The following BLTP3B variants were observed in gnomAD, a reference collection of about 807,000 sequenced individuals.
The protein encoded by BLTP3B is bridge-like lipid transfer protein family member 3B.
chr12:100,059,888 C>T, the BLTP3B span: 7 of 1,612,198 alleles, frequency 4.3e-6, no homozygotes, highest in Admixed American at 3.4e-5. Context: ...TCAACATGCT[C>T]GTCAGATTTT....
chr12:100,055,533 T>C, the BLTP3B span, among the ~76,000 whole-genome samples: 1 of 151,562 alleles, frequency 6.6e-6, no homozygotes, highest in Non-Finnish European at 1.5e-5. Context: ...AAAAATTAGC[T>C]AGGCGTGGTG....
chr12:100,124,057 G>A, the BLTP3B span, among the ~76,000 whole-genome samples: 1 of 151,970 alleles, frequency 6.6e-6, no homozygotes, highest in Non-Finnish European at 1.5e-5. Context: ...TTGAAGCTAG[G>A]AGTTCAAGAT....
At chr12:100,048,273 AAAT>A in the BLTP3B span, 13 of 1,433,744 alleles carry the variant, frequency 9.1e-6, no homozygotes, top group Non-Finnish European at 7.4e-6. Flanking sequence ...TAGTACATTA[AAAT>A]AATACTAGTT....
At chr12:100,058,889 A>T in the BLTP3B span, 1 of 1,613,880 alleles carries the variant, frequency 6.2e-7, no homozygotes, top group Non-Finnish European at 8.5e-7. Flanking sequence ...AGGAAGGGGA[A>T]AATCTGAAAA....
chr12:100,136,397 G>A, the BLTP3B span, among the ~76,000 whole-genome samples: 1 of 151,910 alleles, frequency 6.6e-6, no homozygotes, highest in Non-Finnish European at 1.5e-5. Flanking sequence ...TTAGAAATAG[G>A]TTACAGTTAG....
At chr12:100,084,602 A>G in the BLTP3B span, 1 of 1,614,116 alleles carries the variant, frequency 6.2e-7, no homozygotes, top group Non-Finnish European at 8.5e-7. Flanking sequence ...TCATTGGCCC[A>G]TCCATTTTTT....
chr12:100,093,457 G>C, the BLTP3B span, among the ~76,000 whole-genome samples: 1 of 152,096 alleles, frequency 6.6e-6, no homozygotes, highest in Non-Finnish European at 1.5e-5. Flanking sequence ...ACAATTATTT[G>C]ATCTTCCTTC....
the BLTP3B span, among the ~76,000 whole-genome samples, chr12:100,093,623 T>G: frequency 6.6e-6 from 1 of 152,152 alleles, no homozygotes; most frequent in Non-Finnish European, 1.5e-5. Flanking sequence ...TAATAATGTC[T>G]TTCATTTATA....
chr12:100,109,890 A>T, the BLTP3B span, among the ~76,000 whole-genome samples: 2 of 152,180 alleles, frequency 1.3e-5, no homozygotes, highest in Non-Finnish European at 2.9e-5. Context: ...ATGATAACCT[A>T]TTAGGGTCTA....
At chr12:100,142,772 C>T in the BLTP3B span, 6 of 1,338,068 alleles carry the variant, frequency 4.5e-6, no homozygotes, top group Non-Finnish European at 6.0e-6. Context: ...GACCCAAGGC[C>T]CCGGCCAAGG....
chr12:100,077,252 T>C, the BLTP3B span, among the ~76,000 whole-genome samples: 1 of 152,194 alleles, frequency 6.6e-6, no homozygotes, highest in South Asian at 2.1e-4. Context: ...TTATAACTGC[T>C]ACGGTATTCA....
At chr12:100,142,514 G>A in the BLTP3B span, 16 of 1,505,158 alleles carry the variant, frequency 1.1e-5, no homozygotes, top group Admixed American at 3.8e-5. Flanking sequence ...AGGCGCCGCC[G>A]CCCCCGAAGC....
the BLTP3B span, chr12:100,039,447 C>CT: frequency 4.1e-6 from 3 of 727,240 alleles, no homozygotes; most frequent in East Asian, 3.0e-5. Context: ...GCTCAACACT[C>CT]TAACCATAGC....
the BLTP3B span, among the ~76,000 whole-genome samples, chr12:100,076,673 C>T: frequency 3.3e-4 from 50 of 152,172 alleles, no homozygotes; most frequent in Non-Finnish European, 6.8e-4. Context: ...GGATTACAGG[C>T]GTGAGCCAAC....
the BLTP3B span, among the ~76,000 whole-genome samples, chr12:100,115,081 A>C: frequency 1.3e-5 from 2 of 152,250 alleles, no homozygotes; most frequent in Non-Finnish European, 2.9e-5. Context: ...GCAGTATTTT[A>C]ATCGTCTGAT....
the BLTP3B span, among the ~76,000 whole-genome samples, chr12:100,085,624 T>G: frequency 1.3e-5 from 2 of 152,140 alleles, no homozygotes; most frequent in Middle Eastern, 3.2e-3. Flanking sequence ...ACAGAAAAAC[T>G]TTACCATTTT....
the BLTP3B span, chr12:100,058,875 G>A: frequency 1.2e-6 from 2 of 1,613,892 alleles, no homozygotes; most frequent in Non-Finnish European, 1.7e-6. Context: ...ATCTGCCTCT[G>A]ACGAGGAAGG....
the BLTP3B span, among the ~76,000 whole-genome samples, chr12:100,054,705 T>C: frequency 6.6e-6 from 1 of 152,140 alleles, no homozygotes; most frequent in Admixed American, 6.5e-5. Flanking sequence ...TTGCTATGAA[T>C]TATAACAGAG....
At chr12:100,091,853 C>T in the BLTP3B span, among the ~76,000 whole-genome samples, 3 of 149,212 alleles carry the variant, frequency 2.0e-5, no homozygotes, top group African/African-American at 5.0e-5. Flanking sequence ...TCGCCCAGGA[C>T]AGGGTGCAGT....
Sources: gnomAD v4.1 joint callset for allele counts (sites outside exome capture counted in the v4.1 genomes callset) on GRCh38, gnomAD v4.1.1 for gene constraint, MANE v1.5 for transcripts, NCBI Gene and HGNC (gene_info 2026-07-23, HGNC 2026-07-21) for gene names.